The following BBOF1 variants were observed in gnomAD, a reference collection of about 807,000 sequenced individuals.
The protein encoded by BBOF1 is basal body orientation factor 1, also known as basal body-orientation factor 1.
In BBOF1, 62 loss-of-function variants were observed where a neutral mutation model predicts 68.0. That is an observed-to-expected ratio of 0.91 (90% confidence interval 0.74 to 1.13). The LOEUF (loss-of-function observed/expected upper bound fraction) is 1.13, where lower values mean the gene tolerates loss of function less well. BBOF1 is among the 50% of genes most tolerant of loss of function. The pLI is 0.00. For missense variants in BBOF1, 534 were observed against 600.1 expected (o/e 0.89, Z 1.15); for synonymous variants, 208 against 198.8 (o/e 1.05, Z -0.39).
At chr14:74,057,333 G>C in intron 11 of BBOF1, 75 bp downstream of exon 11, 1 of 1,599,978 alleles carries the variant, frequency 6.3e-7, no homozygotes, top group South Asian at 1.1e-5. Context: ...CTAAATCACG[G>C]TTATTTTCTC....
chr14:74,029,517 A>G (rs955495748), intron 3 of BBOF1, among the ~76,000 whole-genome samples: 2 of 152,062 alleles, frequency 1.3e-5, no homozygotes, highest in African/African-American at 4.8e-5. Context: ...CCTTGTCACT[A>G]CTAAAAATTT....
At chr14:74,045,774 C>G (rs1397056624) in intron 5 of BBOF1, among the ~76,000 whole-genome samples, 3 of 152,168 alleles carry the variant, frequency 2.0e-5, no homozygotes, top group African/African-American at 7.2e-5. Context: ...ACTCTCATTT[C>G]AGTGCATTTA....
intron 11 of BBOF1, among the ~76,000 whole-genome samples, chr14:74,061,925 T>A (rs1414343035): frequency 3.3e-5 from 5 of 150,746 alleles, no homozygotes; most frequent in Non-Finnish European, 7.4e-5. Flanking sequence ...AACTGGGGGG[T>A]GCAGCCAGGA....
chr14:74,066,776 C>T, downstream of BBOF1: 1 of 1,614,022 alleles, frequency 6.2e-7, no homozygotes, highest in Non-Finnish European at 8.5e-7. Flanking sequence ...ATTTTTCGTC[C>T]ATCAAGAAGG....
At chr14:74,066,787 A>C, downstream of BBOF1, 1 of 1,614,072 alleles carries the variant, frequency 6.2e-7, no homozygotes, top group Non-Finnish European at 8.5e-7. Context: ...ATCAAGAAGG[A>C]TGGAAGCTCC....
chr14:74,078,161 A>G (rs2060633414), intron 9 of BBOF1: 1 of 454,872 alleles, frequency 2.2e-6, no homozygotes, highest in Admixed American at 2.4e-5. Context: ...TTCCTCTTGT[A>G]CTTTCAGGAG....
chr14:74,048,333 T>C lies in BBOF1; in HGVS notation c.792+259T>C. 1.4e-5 allele frequency: 4 copies of C among 277,160 alleles called. No individual in the cohort carries two copies. In the South Asian group the frequency reaches 2.8e-4, roughly 19 times the overall value. 17.2% of individuals were successfully genotyped at this position (277,160 alleles called of 1,614,324 possible). On this transcript the variant is annotated intron_variant, in intron 7 of 11. Coordinates refer to ENST00000394009, the MANE Select transcript of BBOF1 (RefSeq NM_025057.3). ...CCTCTACTACCTTAGAATATTCATT[T>C]TTCTTTGCTTAGAGTTGGTCCCTGA...
At chr14:74,034,617 T>C (rs1357357746) in intron 4 of BBOF1, among the ~76,000 whole-genome samples, 2 of 152,226 alleles carry the variant, frequency 1.3e-5, no homozygotes, top group African/African-American at 4.8e-5. Context: ...ATGTTACCTT[T>C]CTGTGCTCTT....
At chr14:74,060,702 C>G (rs1049366025) in intron 11 of BBOF1, 26 of 1,613,862 alleles carry the variant, frequency 1.6e-5, no homozygotes, top group Non-Finnish European at 2.2e-5. Context: ...CTTCTTCTTT[C>G]CACTGAGAAG....
intron 9 of BBOF1, among the ~76,000 whole-genome samples, chr14:74,073,555 G>T (rs2060577403): frequency 6.6e-6 from 1 of 152,120 alleles, no homozygotes; most frequent in South Asian, 2.1e-4. Context: ...TGTTAATAAA[G>T]ATTAGCTATT....
At chr14:74,074,911 T>C (rs562751551) in intron 9 of BBOF1, 1 of 1,585,640 alleles carries the variant, frequency 6.3e-7, no homozygotes, top group Non-Finnish European at 8.7e-7. Flanking sequence ...AAAACTATAC[T>C]GAATTCCTTC....
At chr14:74,019,611 C>G in intron 1 of BBOF1, 77 bp downstream of exon 1, 2 of 1,536,088 alleles carry the variant, frequency 1.3e-6, no homozygotes, top group African/African-American at 1.4e-5. Context: ...CAACCTGGCG[C>G]CCCCCGCGCC....
chr14:74,041,891 G>T (rs2059831532), intron 5 of BBOF1, among the ~76,000 whole-genome samples: 1 of 152,066 alleles, frequency 6.6e-6, no homozygotes, highest in Admixed American at 6.6e-5. Context: ...ACAAAAATTA[G>T]CCAGGCATGG....
chr14:74,028,948 C>CCACACA (rs530371320), intron 2 of BBOF1, among the ~76,000 whole-genome samples: 54 of 148,466 alleles, frequency 3.6e-4, no homozygotes, highest in South Asian at 8.5e-4. Context: ...TTATTTTTAA[C>CCACACA]CACACACACA....
At chr14:74,067,665 G>A, downstream of BBOF1, 2 of 1,325,130 alleles carry the variant, frequency 1.5e-6, no homozygotes, top group South Asian at 1.2e-5. Context: ...GCTAATGCCT[G>A]TAATCCCAGC....
chr14:74,046,422 G>C (rs2059950422), intron 6 of BBOF1, among the ~76,000 whole-genome samples: 1 of 152,156 alleles, frequency 6.6e-6, no homozygotes, highest in African/African-American at 2.4e-5. Flanking sequence ...ATCCAGGCTG[G>C]AGTGCAGCGG....
At chr14:74,078,898 C>T (rs904916836) in intron 10 of BBOF1, among the ~76,000 whole-genome samples, 1 of 151,816 alleles carries the variant, frequency 6.6e-6, no homozygotes, top group Admixed American at 6.6e-5. Context: ...CTCCTGACCT[C>T]AGGTGATCTG....
At chr14:74,070,393 C>A (rs2060532200), downstream of BBOF1, among the ~76,000 whole-genome samples, 1 of 152,030 alleles carries the variant, frequency 6.6e-6, no homozygotes, top group Non-Finnish European at 1.5e-5. Flanking sequence ...GTGGCGCATG[C>A]CTGTAATCCC....
intron 11 of BBOF1, among the ~76,000 whole-genome samples, chr14:74,063,736 G>A (rs1342632236): frequency 6.6e-6 from 1 of 150,882 alleles, no homozygotes; most frequent in Non-Finnish European, 1.5e-5. Context: ...TGTGGTGGTG[G>A]GCATCTGTAA....
Sources: allele counts gnomAD v4.1 joint callset (sites outside exome capture counted in the v4.1 genomes callset), GRCh38; gene constraint gnomAD v4.1.1; transcripts MANE v1.5; gene names NCBI Gene and HGNC (gene_info 2026-07-23, HGNC 2026-07-21).